Variants in RGS6 observed in about 807,000 individuals in gnomAD.
RGS6 encodes the protein regulator of G-protein signaling 6.
Under a neutral mutation model 78.5 loss-of-function variants are expected in RGS6, and 30 were observed. The observed-to-expected ratio is 0.38, with a 90% confidence interval of 0.29 to 0.52. The LOEUF (loss-of-function observed/expected upper bound fraction) is 0.52. Ranked by LOEUF, RGS6 falls within the 20% of genes least tolerant of loss-of-function variation. The pLI is 0.85. For synonymous variants in RGS6, 206 were observed against 206.0 expected, an observed-to-expected ratio of 1.00 and a Z score of 0.00; for missense variants, 495 against 609.7, an observed-to-expected ratio of 0.81 and a Z score of 1.98.
At chr14:72,419,965 A>G (rs1232030831) in intron 3 of RGS6, among the ~76,000 whole-genome samples, 1 of 152,212 alleles carries the variant, frequency 6.6e-6, no homozygotes, top group Non-Finnish European at 1.5e-5. Context: ...AGAGAAGTGG[A>G]TGGGAAGGCC....
intron 2 of RGS6, among the ~76,000 whole-genome samples, chr14:72,138,421 G>C (rs2096482736): frequency 7.3e-6 from 1 of 137,562 alleles, no homozygotes; most frequent in South Asian, 2.5e-4. Flanking sequence ...GTGGAAACTT[G>C]ATACTTCACT....
At chr14:72,207,449 ATCTAGAT>A (rs1239839028) in intron 2 of RGS6, among the ~76,000 whole-genome samples, 1 of 152,184 alleles carries the variant, frequency 6.6e-6, no homozygotes, top group Non-Finnish European at 1.5e-5. Flanking sequence ...TCATCCGTAC[ATCTAGAT>A]TGTCCACCCT....
chr14:71,923,972 A>G, the RGS6 span, among the ~76,000 whole-genome samples: 74,139 of 152,088 alleles, frequency 0.49, 18,215 homozygotes, highest in Admixed American at 0.54. Context: ...TTGAGATACA[A>G]GGTAATCTGC....
intron 2 of RGS6, among the ~76,000 whole-genome samples, chr14:71,993,116 T>C (rs1195733703): frequency 6.6e-6 from 1 of 152,206 alleles, no homozygotes. Context: ...TAATGCAGCA[T>C]TAATTAGACT....
chr14:72,316,896 A>T (rs1490197657), intron 2 of RGS6, among the ~76,000 whole-genome samples: 2 of 141,816 alleles, frequency 1.4e-5, no homozygotes, highest in Non-Finnish European at 3.1e-5. Flanking sequence ...AAGCAGGTGA[A>T]GTGTGTGTGT....
intron 2 of RGS6, among the ~76,000 whole-genome samples, chr14:72,148,598 T>G (rs554791760): frequency 2.6e-4 from 39 of 152,112 alleles, no homozygotes; most frequent in African/African-American, 8.7e-4. Flanking sequence ...AAGAAAGAGA[T>G]ATGGATGAGT....
At chr14:71,975,756 T>G (rs1052524038) in intron 2 of RGS6, among the ~76,000 whole-genome samples, 9 of 152,182 alleles carry the variant, frequency 5.9e-5, no homozygotes, top group African/African-American at 2.2e-4. Flanking sequence ...CATGCCCGAC[T>G]GTGCTTGGGA....
chr14:72,062,177 G>A (rs2093927399), intron 2 of RGS6, among the ~76,000 whole-genome samples: 1 of 152,224 alleles, frequency 6.6e-6, no homozygotes, highest in Non-Finnish European at 1.5e-5. Flanking sequence ...AGGGAGAAAA[G>A]CCATGTGACT....
chr14:72,156,206 G>A (rs1299067085), intron 2 of RGS6, among the ~76,000 whole-genome samples: 1 of 152,180 alleles, frequency 6.6e-6, no homozygotes, highest in Non-Finnish European at 1.5e-5. Context: ...CCAGCATTTG[G>A]GAGGCTGAGG....
At chr14:72,166,956 G>T (rs919716934) in intron 2 of RGS6, among the ~76,000 whole-genome samples, 14 of 152,222 alleles carry the variant, frequency 9.2e-5, no homozygotes, top group East Asian at 5.8e-4. Flanking sequence ...GTGTGTTTTT[G>T]CCAGGTATTG....
At chr14:71,974,262 G>A (rs998382691) in intron 2 of RGS6, among the ~76,000 whole-genome samples, 4 of 152,136 alleles carry the variant, frequency 2.6e-5, no homozygotes, top group African/African-American at 9.7e-5. Flanking sequence ...AATAATTGGA[G>A]GATAGAAGGA....
At chr14:72,490,894 T>C (rs1247406775) in intron 12 of RGS6, among the ~76,000 whole-genome samples, 2 of 152,214 alleles carry the variant, frequency 1.3e-5, no homozygotes, top group African/African-American at 4.8e-5. Context: ...AACTTGGATG[T>C]GCATATGAAT....
At chr14:72,619,990 G>A in the RGS6 span, 4,894 of 1,533,110 alleles carry the variant, frequency 3.2e-3, 5 homozygotes, top group Non-Finnish European at 4.0e-3. Flanking sequence ...TGGTCCTGGT[G>A]GAACACAGAG....
chr14:72,509,888 G>C (rs947988882), intron 13 of RGS6, among the ~76,000 whole-genome samples: 21 of 152,150 alleles, frequency 1.4e-4, no homozygotes, highest in African/African-American at 4.6e-4. Flanking sequence ...TTAATCAATG[G>C]CATGGTAGAC....
At chr14:72,195,557 A>G (rs1461514106) in intron 2 of RGS6, among the ~76,000 whole-genome samples, 3 of 152,212 alleles carry the variant, frequency 2.0e-5, no homozygotes, top group African/African-American at 7.2e-5. Context: ...GAGATGCAGA[A>G]GGAATAGCCA....
In RGS6 at chr14:71,953,969, G is replaced by GTTTTTTTT. The variant is rs3053026; in HGVS notation, c.-20-10791_-20-10784dup. On this transcript the variant is annotated intron_variant, in intron 1 of 17. Transcript: ENST00000553525. ...ACTAGATGTAGAATTCTAAGTGGGC[G>GTTTTTTTT]TTTTTTTTTTTTTTTTTTTCCTTCA... Among the ~76,000 whole-genome samples, 66 of 76,000 alleles carry GTTTTTTTT rather than the reference G, an allele frequency of 8.7e-4. 3 individuals carry two copies. Among genetic ancestry groups the GTTTTTTTT allele is most frequent in the African/African-American group, 1.1e-3 (20 of 18,940 alleles). 49.9% of individuals were successfully genotyped at this position (76,000 alleles called of 152,430 possible).
At chr14:72,259,943 G>A (rs999756912) in intron 2 of RGS6, among the ~76,000 whole-genome samples, 3 of 131,578 alleles carry the variant, frequency 2.3e-5, no homozygotes, top group East Asian at 2.1e-4. Context: ...CTTAATGAAC[G>A]AGAGTCTCAA....
At chr14:72,514,895 G>A (rs765754431) in intron 14 of RGS6, among the ~76,000 whole-genome samples, 13 of 152,356 alleles carry the variant, frequency 8.5e-5, no homozygotes, top group East Asian at 1.9e-4. Context: ...GGCAGCAGAT[G>A]TGCAGAGAGG....
At chr14:72,042,129 CTTT>C (rs202194668) in intron 2 of RGS6, among the ~76,000 whole-genome samples, 10,029 of 134,444 alleles carry the variant, frequency 0.075, 388 homozygotes, top group East Asian at 0.18. Flanking sequence ...TTTTCTTTTT[CTTT>C]TTTTTTTTTT....
Sources: gnomAD v4.1 joint callset for allele counts (sites outside exome capture counted in the v4.1 genomes callset) on GRCh38, gnomAD v4.1.1 for gene constraint, MANE v1.5 for transcripts, NCBI Gene and HGNC (gene_info 2026-07-23, HGNC 2026-07-21) for gene names.